Variants in KIAA1210 observed in about 807,000 individuals in gnomAD.
KIAA1210 encodes KIAA1210.
In KIAA1210, 48 loss-of-function variants were observed where a neutral mutation model predicts 78.9. The observed-to-expected ratio is 0.61, with a 90% CI of 0.48 to 0.77. KIAA1210 has a LOEUF of 0.77. KIAA1210 is among the 30% of genes least tolerant of loss of function. The probability of loss-of-function intolerance (pLI) is 0.00; values close to 1 mark genes in which losing one functional copy is unlikely to be tolerated. For missense variants in KIAA1210, 1,108 were observed against 1,100.0 expected, an observed-to-expected ratio of 1.01 and a Z score of -0.10; for synonymous variants, 406 against 404.5, an observed-to-expected ratio of 1.00 and a Z score of -0.04.
At position 119,088,098 on chromosome X, in the gene KIAA1210, A is replaced by G; in HGVS notation, c.2604T>C (p.Thr868=). 1 of 1,211,426 alleles carries G rather than the reference A, an allele frequency of 8.3e-7. No homozygotes were observed. The highest frequency in any genetic ancestry group is 1.1e-6 in the Non-Finnish European group (1 of 895,214). Residue 868 remains threonine, a synonymous_variant, in exon 9 of 12, where the codon ACT becomes ACC. Coordinates refer to ENST00000691062, the MANE Select transcript of KIAA1210 (RefSeq NM_001394962.1). The stretch of plus-strand genomic sequence containing the variant: ...ATCTGGGAGGCAGCGGTTCCACATA[A>G]GTGCCTTCCTCAACAGCTGTGCTTT... The part of the protein sequence containing the change: ...ISESTAVEEG[T]YVEPLPPRCL...
intron 1 of KIAA1210, chrX:119,147,662 C>T: frequency 4.0e-6 from 4 of 1,008,423 alleles, no homozygotes; most frequent in Non-Finnish European, 3.9e-6. Context: ...GGTCAGTTGG[C>T]TAAGAGCTAG....
chrX:119,119,723 T>A (rs958712228), intron 2 of KIAA1210, among the ~76,000 whole-genome samples: 3 of 111,006 alleles, frequency 2.7e-5, no homozygotes, highest in African/African-American at 9.8e-5. Context: ...ACGCCTGTAA[T>A]CCCAGCACTT....
chrX:119,123,781 G>A, intron 1 of KIAA1210, 129 bp from the exon 2 acceptor site: 2 of 442,316 alleles, frequency 4.5e-6, no homozygotes, highest in South Asian at 4.1e-5. Context: ...ATATACAAAT[G>A]GAATTGCCAT....
intron 2 of KIAA1210, among the ~76,000 whole-genome samples, chrX:119,137,485 C>G (rs756776727): frequency 8.9e-6 from 1 of 112,450 alleles, no homozygotes; most frequent in African/African-American, 3.2e-5. Flanking sequence ...GAGTCATAGC[C>G]CCTCTTTGGA....
intron 3 of KIAA1210, among the ~76,000 whole-genome samples, chrX:119,109,976 C>T (rs1324943835): frequency 9.0e-6 from 1 of 111,695 alleles, no homozygotes; most frequent in Non-Finnish European, 1.9e-5. Flanking sequence ...AAGATAAAAA[C>T]AAATGAAAGG....
chrX:119,110,395 C>T (rs934357776), intron 3 of KIAA1210, among the ~76,000 whole-genome samples: 5 of 111,824 alleles, frequency 4.5e-5, no homozygotes, highest in African/African-American at 1.6e-4. Context: ...TGGATATATT[C>T]CCCCTAAGAT....
At chrX:119,107,588 C>T (rs756704669) in intron 5 of KIAA1210, among the ~76,000 whole-genome samples, 75 of 112,412 alleles carry the variant, frequency 6.7e-4, no homozygotes, top group African/African-American at 2.4e-3. Flanking sequence ...TTAGGGTCAA[C>T]ACCATTAGTG....
chrX:119,150,518 C>G, exon 1 of KIAA1210: 1 of 1,210,551 alleles, frequency 8.3e-7, no homozygotes, highest in Non-Finnish European at 1.1e-6. Flanking sequence ...GTAGGGGTGC[C>G]GGCCAGGAAG....
chrX:119,081,299 A>G lies in KIAA1210; in HGVS notation c.*30T>C, dbSNP rs762562695. On this transcript the variant is annotated 3_prime_UTR_variant, in exon 12 of 12. Transcript: ENST00000691062. ...AAAAAAAAAAAAAAAACTAAATAAA[A>G]TAAATGCTGATGCTCCACACAAGAG... is the stretch of plus-strand genomic sequence containing the variant. 5.5e-5 allele frequency: 59 copies of G among 1,067,196 alleles called. No individual in the cohort carries two copies. The African/African-American group carries it at 6.4e-4, about 12-fold the overall frequency. The allele number at this position is 1,067,196 out of a possible 1,213,427, so 87.9% of individuals were successfully genotyped here.
intron 2 of KIAA1210, among the ~76,000 whole-genome samples, chrX:119,146,721 C>A (rs1014156500): frequency 9.0e-6 from 1 of 111,181 alleles, no homozygotes; most frequent in Admixed American, 9.5e-5. Flanking sequence ...GTATCTCCTC[C>A]CTCTGACCCC....
intron 6 of KIAA1210, among the ~76,000 whole-genome samples, chrX:119,102,867 G>A (rs966667704): frequency 4.5e-5 from 5 of 111,853 alleles, no homozygotes; most frequent in Non-Finnish European, 9.4e-5. Flanking sequence ...AAACTCATCC[G>A]TCTGCTCACC....
intron 1 of KIAA1210, among the ~76,000 whole-genome samples, chrX:119,125,108 A>C (rs367783435): frequency 2.5e-4 from 28 of 111,753 alleles, no homozygotes; most frequent in African/African-American, 9.1e-4. Flanking sequence ...TCACATATGA[A>C]GAGGCTCCAT....
At chrX:119,111,662 GGTTGATGT>G (rs1426950623) in intron 3 of KIAA1210, among the ~76,000 whole-genome samples, 1 of 110,711 alleles carries the variant, frequency 9.0e-6, no homozygotes. Flanking sequence ...GTAGATGATG[GGTTGATGT>G]GTACAGCAAA....
chrX:119,140,517 A>G (rs1447249735), intron 2 of KIAA1210, among the ~76,000 whole-genome samples: 3 of 88,478 alleles, frequency 3.4e-5, no homozygotes, highest in African/African-American at 1.3e-4. Context: ...CGACGACAGA[A>G]CAAGACTCTT....
chrX:119,121,302 G>C (rs1213076794), intron 2 of KIAA1210, among the ~76,000 whole-genome samples: 1 of 111,540 alleles, frequency 9.0e-6, no homozygotes, highest in East Asian at 2.8e-4. Flanking sequence ...CTAGACAGCA[G>C]GTATGGGTAA....
At chrX:119,114,449 C>T (rs1928187500) in intron 3 of KIAA1210, among the ~76,000 whole-genome samples, 1 of 112,435 alleles carries the variant, frequency 8.9e-6, no homozygotes, top group African/African-American at 3.2e-5. Flanking sequence ...TAGATAAACA[C>T]TTAATGGATA....
rs755206482 is a variant in KIAA1210, at chrX:119,120,160, T to C, written c.61+3422A>G. ...CTCTCCCCTGGGCAAGGAAGTGAGA[T>C]CCTTCTACCTCTGCCTCCCAAGGTG... On this transcript the variant is annotated intron_variant, in intron 2 of 11. Coordinates refer to ENST00000691062, the MANE Select transcript of KIAA1210 (RefSeq NM_001394962.1). 3.6e-5 allele frequency among the ~76,000 whole-genome samples: 4 copies of C among 110,992 alleles called. No homozygotes were observed. In the East Asian group the frequency reaches 1.1e-3, roughly 31 times the overall value.
In KIAA1210 at chrX:119,087,799, A is replaced by G. The variant is rs770534324; in HGVS notation, c.2903T>C (p.Ile968Thr). ...QLSSNFERAA[I>T]EADISGSPLP... ...TGGACTCCCAGAAATGTCTGCCTCA[A>G]TAGCAGCCCGCTCGAAATTTGAGGA... The change falls in exon 9 of 12, where the codon ATT (isoleucine) becomes ACT (threonine). Residue 968 changes from isoleucine (I) to threonine (T), a missense_variant. Ile to Thr is a moderately conservative substitution (Grantham distance 89, BLOSUM62 -1). Around this residue, in one of 5 missense-constraint regions of KIAA1210, gnomAD observed 179 missense variants for 174.1 expected, o/e 1.03. Coordinates refer to ENST00000691062, the MANE Select transcript of KIAA1210 (RefSeq NM_001394962.1). 8.3e-6 allele frequency: 10 copies of G among 1,210,188 alleles called. No individual in the cohort carries two copies. Among genetic ancestry groups the G allele is most frequent in the South Asian group, 7.0e-5 (4 of 56,746 alleles).
exon 2 of KIAA1210, chrX:119,147,496 TAGG>T: frequency 8.3e-7 from 1 of 1,210,943 alleles, no homozygotes; most frequent in East Asian, 3.0e-5. Context: ...GTTCTTGGAG[TAGG>T]AGAAGCTGAC....
Sources: gnomAD v4.1 joint callset for allele counts (sites outside exome capture counted in the v4.1 genomes callset) on GRCh38, gnomAD v4.1.1 for gene constraint, gnomAD v4.1.1 regional missense constraint, MANE v1.5 for transcripts, NCBI Gene and HGNC (gene_info 2026-07-23, HGNC 2026-07-21) for gene names.